Variants in PRKCE observed in about 807,000 individuals in gnomAD.
PRKCE encodes protein kinase C epsilon.
PRKCE carries 16 observed loss-of-function variants against 85.4 expected under a neutral mutation model. That is an observed-to-expected ratio of 0.19 (90% CI 0.13 to 0.28). The LOEUF is 0.28. Among genes scored for constraint, PRKCE ranks in the 10% least tolerant of loss-of-function variants. The probability of loss-of-function intolerance (pLI) is 1.00; values close to 1 mark genes in which losing one functional copy is unlikely to be tolerated. For missense variants in PRKCE, 573 were observed against 975.2 expected (o/e 0.59, Z 5.49); for synonymous variants, 388 against 371.5 (o/e 1.04, Z -0.51).
chr2:45,877,436 A>G (rs567648502), intron 2 of PRKCE, among the ~76,000 whole-genome samples: 10 of 152,018 alleles, frequency 6.6e-5, no homozygotes, highest in African/African-American at 2.2e-4. Context: ...TACGTTTTCT[A>G]TCTTCTCCTG....
At chr2:45,965,117 C>T (rs1032143634) in intron 2 of PRKCE, among the ~76,000 whole-genome samples, 3 of 152,190 alleles carry the variant, frequency 2.0e-5, no homozygotes, top group Admixed American at 6.5e-5. Flanking sequence ...TTATTGTGTG[C>T]CTCTCTGGGA....
At chr2:45,898,780 C>T (rs1478344757) in intron 2 of PRKCE, among the ~76,000 whole-genome samples, 1 of 152,090 alleles carries the variant, frequency 6.6e-6, no homozygotes, top group Non-Finnish European at 1.5e-5. Flanking sequence ...TAGGGTGGCT[C>T]TGAGGAGGGA....
intron 13 of PRKCE, among the ~76,000 whole-genome samples, chr2:46,156,864 C>G (rs1677257477): frequency 6.6e-6 from 1 of 152,118 alleles, no homozygotes. Context: ...TTCCATCTGC[C>G]CACCTCCCAC....
rs976464942 is a variant in PRKCE, at chr2:46,125,527, G to C, written c.1593-19566G>C. 3.3e-5 allele frequency among the ~76,000 whole-genome samples: 5 copies of C among 152,274 alleles called. 1 individual carries two copies. ...CAGGCCTTAAGAAGAGGCTGGGGGA[G>C]GATGGTCGGTTTCCTAGATATGGTT... On this transcript the variant is annotated intron_variant, in intron 11 of 14. Coordinates refer to ENST00000306156, the MANE Select transcript of PRKCE (RefSeq NM_005400.3).
chr2:45,964,227 C>T (rs934549362), intron 2 of PRKCE, among the ~76,000 whole-genome samples: 1 of 152,200 alleles, frequency 6.6e-6, no homozygotes, highest in Admixed American at 6.5e-5. Flanking sequence ...TGGGGACAGG[C>T]AGAGACCCTA....
chr2:46,103,778 A>G (rs1208302776), intron 11 of PRKCE, among the ~76,000 whole-genome samples: 1 of 152,212 alleles, frequency 6.6e-6, no homozygotes, highest in African/African-American at 2.4e-5. Flanking sequence ...GAAGAGAAAT[A>G]TATTTATAAT....
At chr2:46,137,522 G>A (rs530786415) in intron 11 of PRKCE, among the ~76,000 whole-genome samples, 4 of 151,736 alleles carry the variant, frequency 2.6e-5, no homozygotes, top group East Asian at 3.9e-4. Context: ...AGGCCAAGGC[G>A]GGTGGATCAT....
intron 10 of PRKCE, among the ~76,000 whole-genome samples, chr2:46,063,742 T>G (rs1667364266): frequency 6.6e-6 from 1 of 152,200 alleles, no homozygotes; most frequent in Non-Finnish European, 1.5e-5. Context: ...GCCACTTCCT[T>G]CTGGGGTAAA....
chr2:45,931,534 C>G (rs148865003), intron 2 of PRKCE, among the ~76,000 whole-genome samples: 16 of 152,324 alleles, frequency 1.1e-4, no homozygotes, highest in African/African-American at 3.9e-4. Flanking sequence ...GAGCCACATG[C>G]ATTCTTTTGC....
chr2:46,151,313 A>T, intron 13 of PRKCE, 84 bp downstream of exon 13: 2 of 1,158,762 alleles, frequency 1.7e-6, no homozygotes, highest in Non-Finnish European at 2.5e-6. Flanking sequence ...ACACACACAC[A>T]CACACACACA....
chr2:45,729,396 A>T lies in PRKCE; in HGVS notation c.348+76948A>T, dbSNP rs560027208. On this transcript the variant is annotated intron_variant, in intron 1 of 14. Transcript: ENST00000306156. ...ATCCTCTTTATTATCAAAGGGTGTG[A>T]TCCTAATACGCTTATGAGACAGCCA... Among the ~76,000 whole-genome samples, 7 of 152,260 alleles carry T rather than the reference A, an allele frequency of 4.6e-5. No homozygotes were observed. In the South Asian group the frequency reaches 1.5e-3, roughly 32 times the overall value.
At chr2:45,683,137 G>A (rs535534281) in intron 1 of PRKCE, among the ~76,000 whole-genome samples, 16 of 152,308 alleles carry the variant, frequency 1.1e-4, no homozygotes, top group African/African-American at 9.6e-5. Context: ...CTAGCCAAGC[G>A]TTGGTTGAAA....
intron 2 of PRKCE, among the ~76,000 whole-genome samples, chr2:45,921,465 G>T (rs755868293): frequency 5.3e-5 from 8 of 152,226 alleles, no homozygotes; most frequent in Non-Finnish European, 1.0e-4. Flanking sequence ...AGTTTTGCAT[G>T]TATTAGCTTA....
rs1411051828 is a variant in PRKCE, at chr2:45,796,029, T to C, written c.349-46971T>C. Among the ~76,000 whole-genome samples the C allele has an allele frequency of 1.1e-4, 16 of 152,352 alleles. No homozygotes were observed. The South Asian group carries it at 3.1e-3, about 30-fold the overall frequency. On this transcript the variant is annotated intron_variant, in intron 1 of 14. Coordinates refer to ENST00000306156, the MANE Select transcript of PRKCE (RefSeq NM_005400.3). ...CCATCTCCCTTCACTCTAAGCTTCT[T>C]TGCATTTCTTTGAAAGCAGTTGTTC...
At chr2:45,996,493 T>G (rs1221450880) in intron 6 of PRKCE, among the ~76,000 whole-genome samples, 2 of 152,186 alleles carry the variant, frequency 1.3e-5, no homozygotes, top group African/African-American at 2.4e-5. Flanking sequence ...CTTTATTAAG[T>G]TGAGGAAATT....
intron 2 of PRKCE, among the ~76,000 whole-genome samples, chr2:45,861,548 T>A (rs1169604419): frequency 6.6e-6 from 1 of 152,218 alleles, no homozygotes; most frequent in Non-Finnish European, 1.5e-5. Context: ...AAATACCTCT[T>A]CGCATGAGGC....
At chr2:45,661,063 A>G (rs921556975) in intron 1 of PRKCE, among the ~76,000 whole-genome samples, 2 of 152,204 alleles carry the variant, frequency 1.3e-5, no homozygotes, top group Non-Finnish European at 1.5e-5. Flanking sequence ...CCCACCTTGA[A>G]GTCTCAAAGA....
chr2:45,933,599 G>A (rs11687907), intron 2 of PRKCE, among the ~76,000 whole-genome samples: 3 of 147,698 alleles, frequency 2.0e-5, no homozygotes, highest in South Asian at 2.2e-4. Context: ...TCAGCCTCCC[G>A]AGTAGCTGGG....
chr2:45,733,368 G>A (rs960003293), intron 1 of PRKCE, among the ~76,000 whole-genome samples: 3 of 152,232 alleles, frequency 2.0e-5, no homozygotes, highest in African/African-American at 7.2e-5. Flanking sequence ...CTTGGGATAT[G>A]TGAGCACAGA....
Sources: allele counts gnomAD v4.1 joint callset (sites outside exome capture counted in the v4.1 genomes callset), GRCh38; gene constraint gnomAD v4.1.1; transcripts MANE v1.5; gene names NCBI Gene and HGNC (gene_info 2026-07-23, HGNC 2026-07-21).